TMIGD1: variants seen among roughly 807,000 people sequenced by gnomAD.
The protein encoded by TMIGD1 is transmembrane and immunoglobulin domain containing 1.
TMIGD1 carries 29 observed loss-of-function variants against 27.5 expected under a neutral mutation model. The ratio of observed to expected loss-of-function variants is 1.05; its 90% CI spans 0.78 to 1.44. The LOEUF is 1.44. Ranked by LOEUF, TMIGD1 falls within the 40% of genes most tolerant of loss-of-function variation. The pLI is 0.00. For synonymous variants in TMIGD1, 109 were observed against 110.3 expected, an observed-to-expected ratio of 0.99 and a Z score of 0.07; for missense variants, 334 against 310.6, an observed-to-expected ratio of 1.08 and a Z score of -0.57.
intron 3 of TMIGD1, among the ~76,000 whole-genome samples, chr17:30,328,167 T>C (rs2143172757): frequency 6.6e-6 from 1 of 152,154 alleles, no homozygotes; most frequent in African/African-American, 2.4e-5. Flanking sequence ...CCTGAGTAGC[T>C]GAGATTACAG....
chr17:30,324,119 G>A (rs1909698935), intron 4 of TMIGD1, among the ~76,000 whole-genome samples: 1 of 152,186 alleles, frequency 6.6e-6, no homozygotes, highest in African/African-American at 2.4e-5. Context: ...CAAGATATGG[G>A]AGTCTCAGCT....
intron 2 of TMIGD1, among the ~76,000 whole-genome samples, chr17:30,331,330 T>A (rs1038770902): frequency 1.3e-5 from 2 of 151,888 alleles, no homozygotes; most frequent in Admixed American, 1.3e-4. Flanking sequence ...CTTTTTTTTT[T>A]TATAGATTGC....
rs373237701 is a variant in TMIGD1 at position 30,318,919 on chromosome 17, G to A, written c.641-6C>T. 5.3e-5 allele frequency: 85 copies of A among 1,594,882 alleles called. No individual in the cohort carries two copies. The highest frequency in any genetic ancestry group is 7.2e-5 in the Non-Finnish European group (84 of 1,162,676). On this transcript the variant is annotated splice_polypyrimidine_tract_variant and splice_region_variant and intron_variant, in intron 4 of 6. Transcript: ENST00000328886. ...TGGTACACCCACAGTTTTATCTGTA[G>A]GAAATGCAAACACAGGGAATAAGAA...
intron 3 of TMIGD1, among the ~76,000 whole-genome samples, chr17:30,326,981 T>G (rs560660781): frequency 2.6e-5 from 4 of 152,146 alleles, no homozygotes; most frequent in African/African-American, 9.6e-5. Flanking sequence ...ATGAGCTCAT[T>G]TTGATTTATT....
chr17:30,319,262 AT>A (rs367938667), intron 4 of TMIGD1, among the ~76,000 whole-genome samples: 2,928 of 74,692 alleles, frequency 0.039, 182 homozygotes, highest in African/African-American at 0.18. Flanking sequence ...AAAAAAAAAA[AT>A]ATATATATAT....
intron 4 of TMIGD1, among the ~76,000 whole-genome samples, chr17:30,319,429 C>T (rs1247593112): frequency 2.5e-5 from 1 of 40,788 alleles, no homozygotes; most frequent in African/African-American, 9.5e-5. Context: ...TCTCTGTCTC[C>T]AAAAAAAAAA....
At chr17:30,330,520 T>G (rs1412464480) in intron 2 of TMIGD1, among the ~76,000 whole-genome samples, 1 of 152,214 alleles carries the variant, frequency 6.6e-6, no homozygotes, top group African/African-American at 2.4e-5. Context: ...TGCAGATGAG[T>G]AAGAACTGAT....
intron 2 of TMIGD1, among the ~76,000 whole-genome samples, chr17:30,330,866 A>G (rs111515625): frequency 0.012 from 1,787 of 152,338 alleles, 35 homozygotes; most frequent in African/African-American, 0.041. Flanking sequence ...ACATTTGTTA[A>G]TATGTTCTGT....
At chr17:30,330,583 A>G (rs1449624275) in intron 2 of TMIGD1, among the ~76,000 whole-genome samples, 1 of 152,256 alleles carries the variant, frequency 6.6e-6, no homozygotes, top group Non-Finnish European at 1.5e-5. Flanking sequence ...TGGGTCTTGC[A>G]TCTATAATGT....
intron 4 of TMIGD1, among the ~76,000 whole-genome samples, chr17:30,320,092 C>T (rs369930351): frequency 2.6e-5 from 4 of 151,106 alleles, no homozygotes; most frequent in Admixed American, 1.3e-4. Flanking sequence ...GGCTGGAGTA[C>T]GGTGGTGCAA....
At chr17:30,331,046 T>A (rs994050534) in intron 2 of TMIGD1, among the ~76,000 whole-genome samples, 5 of 151,800 alleles carry the variant, frequency 3.3e-5, no homozygotes, top group Admixed American at 1.3e-4. Context: ...TACAAAAAAA[T>A]TAGCCAGGCA....
At chr17:30,319,249 G>GAAAAAA (rs1201681602) in intron 4 of TMIGD1, among the ~76,000 whole-genome samples, 12 of 70,892 alleles carry the variant, frequency 1.7e-4, no homozygotes, top group African/African-American at 7.5e-4. Flanking sequence ...AAAAAAAAAA[G>GAAAAAA]AAAAAAAAAA....
chr17:30,319,802 C>A (rs11870819), intron 4 of TMIGD1, among the ~76,000 whole-genome samples: 1 of 151,716 alleles, frequency 6.6e-6, no homozygotes, highest in Non-Finnish European at 1.5e-5. Context: ...TGCAATGGTG[C>A]CCCAAGCAGG....
intron 6 of TMIGD1, 66 bp from the exon 7 acceptor site, chr17:30,316,756 A>T: frequency 6.9e-7 from 1 of 1,448,068 alleles, no homozygotes; most frequent in Non-Finnish European, 9.6e-7. Context: ...TCAAAACAAA[A>T]CCCATACTCT....
At chr17:30,322,498 TTTTA>T (rs770326228) in intron 4 of TMIGD1, among the ~76,000 whole-genome samples, 1 of 152,248 alleles carries the variant, frequency 6.6e-6, no homozygotes, top group East Asian at 1.9e-4. Flanking sequence ...ATTTTTTTAT[TTTTA>T]TTTATTTATT....
intron 4 of TMIGD1, among the ~76,000 whole-genome samples, chr17:30,320,185 G>A (rs755306825): frequency 2.6e-5 from 4 of 151,836 alleles, no homozygotes; most frequent in Middle Eastern, 3.4e-3. Flanking sequence ...TTACAGGCAC[G>A]TGCTACCATA....
In TMIGD1 at chr17:30,329,899, C is replaced by T. The variant is rs546083773; in HGVS notation, c.83-370G>A. 4.7e-5 allele frequency among the ~76,000 whole-genome samples: 7 copies of T among 148,192 alleles called. No homozygotes were observed. In the East Asian group the frequency reaches 1.4e-3, roughly 29 times the overall value. Reference sequence around the variant, plus strand: ...CAGCCTGGGTAACATAGTGAGACTCCGTCTCTACAAAAAATAAAAAAATAA... The same window carrying T: ...CAGCCTGGGTAACATAGTGAGACTCTGTCTCTACAAAAAATAAAAAAATAA... On this transcript the variant is annotated intron_variant, in intron 2 of 6. Coordinates refer to ENST00000328886, the MANE Select transcript of TMIGD1 (RefSeq NM_206832.3).
At chr17:30,321,223 T>C (rs1909610912) in intron 4 of TMIGD1, among the ~76,000 whole-genome samples, 1 of 151,800 alleles carries the variant, frequency 6.6e-6, no homozygotes, top group South Asian at 2.1e-4. Context: ...CTTGAACTCC[T>C]GACCACAAGC....
chr17:30,323,038 T>C (rs1909669169), intron 4 of TMIGD1, among the ~76,000 whole-genome samples: 3 of 151,778 alleles, frequency 2.0e-5, no homozygotes. Flanking sequence ...CTGGTTCTGA[T>C]GGCACGCACC....
Sources: allele counts gnomAD v4.1 joint callset (sites outside exome capture counted in the v4.1 genomes callset), GRCh38; gene constraint gnomAD v4.1.1; transcripts MANE v1.5; gene names NCBI Gene and HGNC (gene_info 2026-07-23, HGNC 2026-07-21).